DSG1: variants seen among roughly 807,000 people sequenced by gnomAD.
DSG1 encodes the protein desmoglein 1, also known as desmoglein-1.
In DSG1, 39 loss-of-function variants were observed where a neutral mutation model predicts 97.5. The ratio of observed to expected loss-of-function variants is 0.40; its 90% CI spans 0.31 to 0.52. The LOEUF is 0.52. Ranked by LOEUF, DSG1 falls within the 20% of genes least tolerant of loss-of-function variation. DSG1 has a pLI of 0.53. For missense variants in DSG1, 1,311 were observed against 1,295.4 expected (o/e 1.01, Z -0.18); for synonymous variants, 475 against 443.4 (o/e 1.07, Z -0.90).
chr18:31,337,794 G>C (rs1365116074), intron 9 of DSG1, among the ~76,000 whole-genome samples: 1 of 152,200 alleles, frequency 6.6e-6, no homozygotes, highest in Non-Finnish European at 1.5e-5. Flanking sequence ...CGAAGTCAAA[G>C]ATGAGAAAAG....
chr18:31,336,641 C>A, intron 9 of DSG1, 28 bp downstream of exon 9: 2 of 1,612,668 alleles, frequency 1.2e-6, no homozygotes, highest in South Asian at 2.2e-5. Flanking sequence ...AACTAATTTT[C>A]CTTACATATT....
chr18:31,355,398 C>T lies in DSG1; in HGVS notation c.*52C>T, dbSNP rs1417383035. The stretch of plus-strand genomic sequence containing the variant: ...GTCATTGTGGTTTAGATCCAATTCC[C>T]ACCACTAAAAAACCAACAATGTGAT... On this transcript the variant is annotated 3_prime_UTR_variant, in exon 15 of 15. Transcript: ENST00000257192. 2 of 1,569,202 alleles carry T rather than the reference C, an allele frequency of 1.3e-6. No individual in the cohort carries two copies. Among genetic ancestry groups the T allele is most frequent in the African/African-American group, 1.3e-5 (1 of 74,216 alleles).
At chr18:31,320,897 T>C (rs1181474811) in intron 1 of DSG1, among the ~76,000 whole-genome samples, 1 of 152,156 alleles carries the variant, frequency 6.6e-6, no homozygotes, top group Admixed American at 6.5e-5. Flanking sequence ...GAAAATTACT[T>C]GCAACTTTGC....
chr18:31,341,323 C>T (rs1367039940), intron 11 of DSG1, among the ~76,000 whole-genome samples: 2 of 152,220 alleles, frequency 1.3e-5, no homozygotes, highest in African/African-American at 4.8e-5. Flanking sequence ...AATGTGAAGT[C>T]AGAGCGCTTA....
At chr18:31,343,395 T>G (rs2071803062) in intron 11 of DSG1, 55 bp from the exon 12 acceptor site, 6 of 1,610,422 alleles carry the variant, frequency 3.7e-6, no homozygotes, top group Non-Finnish European at 5.1e-6. Flanking sequence ...CAGGTTGTTT[T>G]GTTTTTTATT....
chr18:31,358,945 T>C lies in DSG1; in HGVS notation c.*3599T>C, dbSNP rs377191687. Among the ~76,000 whole-genome samples, 4 of 152,288 alleles carry C rather than the reference T, an allele frequency of 2.6e-5. No homozygotes were observed. Among genetic ancestry groups the C allele is most frequent in the East Asian group, 3.9e-4 (2 of 5,188 alleles). On this transcript the variant is annotated 3_prime_UTR_variant, in exon 15 of 15. Coordinates refer to ENST00000257192, the MANE Select transcript of DSG1 (RefSeq NM_001942.4). ...TTTCCATCAGATAATTTTAAAACAA[T>C]GTGTAATCTTGTTTGTCTACATTCT...
At chr18:31,321,556 C>T (rs1218706165) in intron 1 of DSG1, among the ~76,000 whole-genome samples, 9 of 152,150 alleles carry the variant, frequency 5.9e-5, no homozygotes, top group African/African-American at 1.9e-4. Context: ...TTTATTATTT[C>T]GCTGTAGATT....
intron 1 of DSG1, among the ~76,000 whole-genome samples, chr18:31,320,001 AT>A (rs2071643779): frequency 6.6e-6 from 1 of 151,804 alleles, no homozygotes; most frequent in Non-Finnish European, 1.5e-5. Context: ...CCTTATGAAA[AT>A]TTTTTCTCAA....
At chr18:31,341,911 G>GT (rs916213010) in intron 11 of DSG1, among the ~76,000 whole-genome samples, 16 of 149,108 alleles carry the variant, frequency 1.1e-4, no homozygotes, top group Non-Finnish European at 1.6e-4. Context: ...TGTTTTCTGG[G>GT]TTTTTTTTGT....
intron 14 of DSG1, among the ~76,000 whole-genome samples, chr18:31,349,442 G>T (rs972907883): frequency 6.6e-6 from 1 of 151,146 alleles, no homozygotes; most frequent in African/African-American, 2.5e-5. Flanking sequence ...TTGACGTGGC[G>T]ATGCGGGCTC....
intron 1 of DSG1, among the ~76,000 whole-genome samples, chr18:31,323,051 A>T (rs192077171): frequency 4.6e-5 from 7 of 152,214 alleles, no homozygotes; most frequent in Admixed American, 4.6e-4. Context: ...TACTGTTTTC[A>T]TAGAATTTTA....
chr18:31,324,841 G>A (rs2071676230), intron 1 of DSG1, among the ~76,000 whole-genome samples: 2 of 152,134 alleles, frequency 1.3e-5, no homozygotes, highest in South Asian at 2.1e-4. Flanking sequence ...TGTTGTCAGA[G>A]TTAGCTTTAA....
At chr18:31,345,953 C>A in intron 13 of DSG1, 37 bp from the exon 14 acceptor site, 1 of 1,562,812 alleles carries the variant, frequency 6.4e-7, no homozygotes, top group Non-Finnish European at 8.8e-7. Flanking sequence ...TTATGATAGA[C>A]TAAAGAAAAT....
chr18:31,359,011 C>T lies in DSG1; in HGVS notation c.*3665C>T, dbSNP rs180803992. On this transcript the variant is annotated 3_prime_UTR_variant, in exon 15 of 15. Coordinates refer to ENST00000257192, the MANE Select transcript of DSG1 (RefSeq NM_001942.4). Reference sequence around the variant, plus strand: ...GTATTTGAATTACTAAATGCTTTATCGTCAAACTGTACCTAGTCTAACTTA... The same window carrying T: ...GTATTTGAATTACTAAATGCTTTATTGTCAAACTGTACCTAGTCTAACTTA... 1.4e-3 allele frequency among the ~76,000 whole-genome samples: 207 copies of T among 152,242 alleles called. No homozygotes were observed. Among genetic ancestry groups the T allele is most frequent in the African/African-American group, 3.6e-3 (149 of 41,562 alleles).
chr18:31,318,701 T>C (rs979934042), intron 1 of DSG1, among the ~76,000 whole-genome samples: 6 of 150,476 alleles, frequency 4.0e-5, no homozygotes, highest in African/African-American at 1.5e-4. Context: ...ATATCACAAG[T>C]GTGTCTGGAT....
rs368311407 is a variant in DSG1, at chr18:31,339,820, A to G, written c.1482A>G (p.Thr494=). ...TTGGTAATGACGACAGGACTAATAC[A>G]GAGCCGAACACTAAAATTACTACCA... ...QSFGNDDRTN[T]EPNTKITTNT... The change falls in exon 11 of 15, where the codon ACA becomes ACG. Residue 494 remains threonine (T), a synonymous_variant. Coordinates refer to ENST00000257192, the MANE Select transcript of DSG1 (RefSeq NM_001942.4). 6.2e-7 allele frequency: 1 copy of G among 1,613,744 alleles called. No individual in the cohort carries two copies. The highest frequency in any genetic ancestry group is 8.5e-7 in the Non-Finnish European group (1 of 1,179,654).
At chr18:31,325,733 G>T (rs1313206976) in intron 1 of DSG1, among the ~76,000 whole-genome samples, 1 of 151,940 alleles carries the variant, frequency 6.6e-6, no homozygotes, top group Non-Finnish European at 1.5e-5. Context: ...TTTGTAGCAT[G>T]CTTTTCTTAG....
At chr18:31,341,510 C>A (rs975025836) in intron 11 of DSG1, among the ~76,000 whole-genome samples, 19 of 152,158 alleles carry the variant, frequency 1.2e-4, no homozygotes, top group Non-Finnish European at 2.2e-4. Flanking sequence ...GATAACACAG[C>A]TTAGAGCTGG....
intron 1 of DSG1, among the ~76,000 whole-genome samples, chr18:31,325,778 T>G (rs574286990): frequency 2.6e-4 from 39 of 152,290 alleles, no homozygotes; most frequent in African/African-American, 9.4e-4. Context: ...CTATCTCATA[T>G]TTTATTGTAA....
Sources: gnomAD v4.1 joint callset for allele counts (sites outside exome capture counted in the v4.1 genomes callset) on GRCh38, gnomAD v4.1.1 for gene constraint, MANE v1.5 for transcripts, NCBI Gene and HGNC (gene_info 2026-07-23, HGNC 2026-07-21) for gene names.